Variants in PLXNA4 observed in about 807,000 individuals in gnomAD.
PLXNA4 encodes the protein plexin A4.
In PLXNA4, 44 loss-of-function variants were observed where a neutral mutation model predicts 191.8. That is an observed-to-expected ratio of 0.23 (90% CI 0.18 to 0.29). The LOEUF is 0.29. Ranked by LOEUF, PLXNA4 falls within the 10% of genes least tolerant of loss-of-function variation. The probability of loss-of-function intolerance (pLI) is 1.00; values close to 1 mark genes in which losing one functional copy is unlikely to be tolerated. For missense variants in PLXNA4, 1,800 were observed against 2,488.8 expected (o/e 0.72, Z 5.89); for synonymous variants, 1,082 against 1,009.5 (o/e 1.07, Z -1.36).
Position 132,146,715 on chromosome 7 carries a change from A to T in PLXNA4, c.4865-15T>A. 1 of 1,613,484 alleles carries T rather than the reference A, an allele frequency of 6.2e-7. No individual in the cohort carries two copies. On this transcript the variant is annotated splice_polypyrimidine_tract_variant and intron_variant, in intron 27 of 31. Transcript: ENST00000321063. ...GATCATGTTTTCTGCCAAGGCAAGG[A>T]TCACCCCCCGACATATGTGAGGCCA...
intron 3 of PLXNA4, among the ~76,000 whole-genome samples, chr7:132,481,750 C>T (rs1270506793): frequency 2.0e-5 from 3 of 152,202 alleles, no homozygotes; most frequent in African/African-American, 4.8e-5. Flanking sequence ...GAGTTCTCGG[C>T]AGCTACTGAT....
At chr7:132,408,654 TG>T (rs1240119348) in intron 3 of PLXNA4, among the ~76,000 whole-genome samples, 1 of 152,030 alleles carries the variant, frequency 6.6e-6, no homozygotes, top group Non-Finnish European at 1.5e-5. Flanking sequence ...TTAGTAGAGA[TG>T]GGGTTTCGCC....
At chr7:132,246,970 C>T (rs1799080547) in intron 4 of PLXNA4, among the ~76,000 whole-genome samples, 1 of 152,130 alleles carries the variant, frequency 6.6e-6, no homozygotes, top group Admixed American at 6.5e-5. Context: ...TAAGTTTCTC[C>T]ATCTGATGAG....
intron 3 of PLXNA4, among the ~76,000 whole-genome samples, chr7:132,305,538 A>G (rs1292732560): frequency 6.6e-6 from 1 of 152,128 alleles, no homozygotes; most frequent in African/African-American, 2.4e-5. Context: ...ACCGCCACCT[A>G]TCTCCATCCC....
At chr7:132,488,399 C>T (rs148798678) in intron 3 of PLXNA4, among the ~76,000 whole-genome samples, 6 of 152,318 alleles carry the variant, frequency 3.9e-5, no homozygotes, top group Non-Finnish European at 7.3e-5. Flanking sequence ...TCAATCTTTA[C>T]TCAATCTGAA....
chr7:132,391,854 C>T (rs372436357), intron 3 of PLXNA4, among the ~76,000 whole-genome samples: 5 of 152,206 alleles, frequency 3.3e-5, no homozygotes, highest in South Asian at 2.1e-4. Context: ...TGGCTGGGCC[C>T]GGTGGCTCAC....
rs926292660 is a variant in PLXNA4 at position 132,468,062 on chromosome 7, G to C, written c.1371+21230C>G. Among the ~76,000 whole-genome samples the C allele has an allele frequency of 3.9e-5, 6 of 152,266 alleles. No homozygotes were observed. The South Asian group carries it at 6.2e-4, about 16-fold the overall frequency. ...TGGCTGCACTCCTCAATCCATCCTGGTGTGACCGAGTTGGAATAAACCCCC... is the reference window on the plus strand; with the variant it reads ...TGGCTGCACTCCTCAATCCATCCTGCTGTGACCGAGTTGGAATAAACCCCC... On this transcript the variant is annotated intron_variant, in intron 3 of 31. Coordinates refer to ENST00000321063, the MANE Select transcript of PLXNA4 (RefSeq NM_020911.2).
chr7:132,501,529 T>A (rs997186287), intron 2 of PLXNA4, among the ~76,000 whole-genome samples: 8 of 152,046 alleles, frequency 5.3e-5, no homozygotes, highest in African/African-American at 1.9e-4. Flanking sequence ...GGAGAGTACA[T>A]CCAGCCTAGG....
intron 4 of PLXNA4, among the ~76,000 whole-genome samples, chr7:132,262,557 G>A (rs1799686844): frequency 2.0e-5 from 3 of 152,116 alleles, no homozygotes; most frequent in Admixed American, 2.0e-4. Flanking sequence ...AGACAAATGG[G>A]GTGAGCCTGC....
intron 2 of PLXNA4, among the ~76,000 whole-genome samples, chr7:132,582,327 A>G (rs1802417220): frequency 1.3e-5 from 2 of 152,142 alleles, no homozygotes; most frequent in African/African-American, 4.8e-5. Context: ...CTGGTAACAC[A>G]TTTACAAGAT....
At chr7:132,388,074 A>T (rs1384855203) in intron 3 of PLXNA4, among the ~76,000 whole-genome samples, 1 of 152,262 alleles carries the variant, frequency 6.6e-6, no homozygotes, top group African/African-American at 2.4e-5. Flanking sequence ...ACCTGCACAC[A>T]AGTGAGGAGA....
At chr7:132,475,807 G>C (rs1343583637) in intron 3 of PLXNA4, among the ~76,000 whole-genome samples, 1 of 152,062 alleles carries the variant, frequency 6.6e-6, no homozygotes, top group Non-Finnish European at 1.5e-5. Context: ...AGAGGAGAAA[G>C]AAGCCACTCT....
chr7:132,470,952 G>T (rs576487505), intron 3 of PLXNA4, among the ~76,000 whole-genome samples: 29 of 152,258 alleles, frequency 1.9e-4, no homozygotes, highest in African/African-American at 6.3e-4. Context: ...ACATAGCTTG[G>T]ATATGAGTCC....
intron 2 of PLXNA4, among the ~76,000 whole-genome samples, chr7:132,639,519 C>A (rs1196827165): frequency 6.6e-6 from 1 of 152,130 alleles, no homozygotes; most frequent in Non-Finnish European, 1.5e-5. Context: ...TGAAGCCCTG[C>A]CAAGAACCAT....
chr7:132,509,672 C>T (rs1296366164), intron 1 of PLXNA4, among the ~76,000 whole-genome samples: 1 of 152,136 alleles, frequency 6.6e-6, no homozygotes, highest in Non-Finnish European at 1.5e-5. Context: ...TACCGTGGTC[C>T]CTGTCCCATG....
rs1805014381 is a variant in PLXNA4, at chr7:132,384,122, G to A, written c.1372-85900C>T. 4 of 985,300 alleles carry A rather than the reference G, an allele frequency of 4.1e-6. No homozygotes were observed. The South Asian group carries it at 1.4e-4, about 35-fold the overall frequency. The allele number at this position is 985,300 out of a possible 1,614,324, so 61.0% of individuals were successfully genotyped here. ...CAAGCACACAGATGAAGGTTCTCAA[G>A]AGCCCTCCTGATTCATTCCCTCCCA... On this transcript the variant is annotated intron_variant, in intron 3 of 31. Coordinates refer to ENST00000321063, the MANE Select transcript of PLXNA4 (RefSeq NM_020911.2).
intron 27 of PLXNA4, among the ~76,000 whole-genome samples, chr7:132,147,482 G>A (rs139927525): frequency 6.6e-6 from 1 of 152,054 alleles, no homozygotes; most frequent in African/African-American, 2.4e-5. Context: ...GCAGAGCCTC[G>A]CACCTGGTCT....
At chr7:132,570,196 G>A (rs1199740207) in intron 1 of PLXNA4, among the ~76,000 whole-genome samples, 1 of 152,134 alleles carries the variant, frequency 6.6e-6, no homozygotes, top group South Asian at 2.1e-4. Flanking sequence ...TGACTCCCCC[G>A]CAGAATATAC....
At chr7:132,475,700 C>T (rs1321584875) in intron 3 of PLXNA4, among the ~76,000 whole-genome samples, 1 of 152,038 alleles carries the variant, frequency 6.6e-6, no homozygotes, top group Admixed American at 6.5e-5. Flanking sequence ...TGCCGGGAAG[C>T]GAGGTCAGCA....
Sources: gnomAD v4.1 joint callset for allele counts (sites outside exome capture counted in the v4.1 genomes callset) on GRCh38, gnomAD v4.1.1 for gene constraint, MANE v1.5 for transcripts, NCBI Gene and HGNC (gene_info 2026-07-23, HGNC 2026-07-21) for gene names.